AMOT: variants seen among roughly 807,000 people sequenced by gnomAD.
The protein encoded by AMOT is angiomotin.
AMOT carries 11 observed loss-of-function variants against 67.0 expected under a neutral mutation model. The observed-to-expected ratio is 0.16, with a 90% CI of 0.10 to 0.27. AMOT has a LOEUF of 0.27. Among genes scored for constraint, AMOT ranks in the 10% least tolerant of loss-of-function variants. The pLI, the probability that AMOT is intolerant of heterozygous loss-of-function variation, is 1.00. For synonymous variants in AMOT, 326 were observed against 321.4 expected, an observed-to-expected ratio of 1.01 and a Z score of -0.15; for missense variants, 753 against 852.0, an observed-to-expected ratio of 0.88 and a Z score of 1.45.
At chrX:112,801,023 A>G (rs1042991237) in intron 8 of AMOT, among the ~76,000 whole-genome samples, 3 of 111,634 alleles carry the variant, frequency 2.7e-5, no homozygotes, top group African/African-American at 9.8e-5. Flanking sequence ...CACTCAGTTC[A>G]GTAAGCAGCC....
chrX:112,779,790 ATAAG>A, intron 12 of AMOT, 110 bp from the exon 13 acceptor site: 1 of 310,810 alleles, frequency 3.2e-6, no homozygotes, highest in Non-Finnish European at 5.3e-6. Context: ...TTATTTTTAA[ATAAG>A]TAAATATTAT....
At chrX:112,823,554 A>C (rs985433013) in intron 3 of AMOT, among the ~76,000 whole-genome samples, 1 of 111,454 alleles carries the variant, frequency 9.0e-6, no homozygotes, top group Non-Finnish European at 1.9e-5. Flanking sequence ...CAAAAACCCA[A>C]ATCTTATGGC....
chrX:112,835,735 C>CAG (rs1935116145), intron 1 of AMOT, among the ~76,000 whole-genome samples: 1 of 111,112 alleles, frequency 9.0e-6, no homozygotes, highest in East Asian at 2.8e-4. Flanking sequence ...AGGCATGCGC[C>CAG]ACCATACCCA....
chrX:112,791,156 G>A (rs1933563218), intron 9 of AMOT, among the ~76,000 whole-genome samples: 1 of 109,532 alleles, frequency 9.1e-6, no homozygotes, highest in Admixed American at 9.8e-5. Context: ...GAGGCAGGTG[G>A]ATCACCTGAG....
chrX:112,805,222 C>A, intron 7 of AMOT, 130 bp from the exon 8 acceptor site: 2 of 766,366 alleles, frequency 2.6e-6, no homozygotes, highest in Non-Finnish European at 1.8e-6. Flanking sequence ...AACCAGTATA[C>A]CCAAGATCTG....
chrX:112,827,991 C>A (rs973335749), intron 2 of AMOT, among the ~76,000 whole-genome samples: 1 of 111,201 alleles, frequency 9.0e-6, no homozygotes, highest in Non-Finnish European at 1.9e-5. Flanking sequence ...GGAAGGGGGC[C>A]AGTTCAAAGT....
chrX:112,809,176 G>A (rs1168245737), intron 7 of AMOT, among the ~76,000 whole-genome samples: 2 of 111,592 alleles, frequency 1.8e-5, no homozygotes, highest in Non-Finnish European at 3.8e-5. Context: ...GTTTCCCCCC[G>A]ACTAATTCTC....
rs749776514 is a variant in AMOT at position 112,835,993 on chromosome X, T to C, written c.-288-3623A>G. On this transcript the variant is annotated intron_variant, in intron 1 of 13. Coordinates refer to ENST00000371959, the MANE Select transcript of AMOT (RefSeq NM_001113490.2). ...GTGAAGACCTCAGATGAAGAACCCATTATGTGTGGGCCATTCTGCTGCTGC... is the reference window on the plus strand; with the variant it reads ...GTGAAGACCTCAGATGAAGAACCCACTATGTGTGGGCCATTCTGCTGCTGC... 2.5e-4 allele frequency among the ~76,000 whole-genome samples: 28 copies of C among 112,284 alleles called. No homozygotes were observed. The South Asian group carries it at 0.01, about 42-fold the overall frequency.
intron 8 of AMOT, among the ~76,000 whole-genome samples, chrX:112,804,734 A>G (rs762123578): frequency 2.7e-5 from 3 of 111,455 alleles, no homozygotes; most frequent in African/African-American, 9.8e-5. Flanking sequence ...GACCCTGGTG[A>G]TTTCCTATTT....
chrX:112,795,036 T>C (rs971239102), intron 8 of AMOT, among the ~76,000 whole-genome samples: 3 of 111,882 alleles, frequency 2.7e-5, no homozygotes, highest in African/African-American at 9.8e-5. Flanking sequence ...AAGTTGTTCA[T>C]TGGAAATACA....
At chrX:112,798,951 C>T (rs1933925936) in intron 8 of AMOT, among the ~76,000 whole-genome samples, 1 of 111,875 alleles carries the variant, frequency 8.9e-6, no homozygotes, top group South Asian at 3.7e-4. Flanking sequence ...ATGAATACCA[C>T]GTGATGGCAT....
chrX:112,790,663 C>T lies in AMOT; in HGVS notation c.2046G>A (p.Glu682=). The change falls in exon 10 of 14, where the codon GAG becomes GAA. Residue 682 remains glutamate, a synonymous_variant. Coordinates refer to ENST00000371959, the MANE Select transcript of AMOT (RefSeq NM_001113490.2). Reference sequence around the variant, plus strand: ...TCACATTCTCCTCCAAATATTTCTGCTCCCACTTTGTCATATCAGCTTCCA... The same window carrying T: ...TCACATTCTCCTCCAAATATTTCTGTTCCCACTTTGTCATATCAGCTTCCA... ...LALEADMTKW[E]QKYLEENVMR... 1.7e-6 allele frequency: 2 copies of T among 1,211,108 alleles called. No individual in the cohort carries two copies. Among genetic ancestry groups the T allele is most frequent in the Non-Finnish European group, 2.2e-6 (2 of 895,226 alleles).
intron 10 of AMOT, among the ~76,000 whole-genome samples, chrX:112,784,822 C>T (rs181908981): frequency 1.6e-4 from 18 of 112,132 alleles, no homozygotes; most frequent in Admixed American, 4.7e-4. Flanking sequence ...ATGGTGTCTA[C>T]GGACACTGGG....
In AMOT at chrX:112,823,070, T is replaced by C; in HGVS notation, c.57A>G (p.Leu19=). 1.7e-6 allele frequency: 2 copies of C among 1,167,378 alleles called. No homozygotes were observed. Among genetic ancestry groups the C allele is most frequent in the Non-Finnish European group, 2.3e-6 (2 of 872,831 alleles). The stretch of plus-strand genomic sequence containing the variant: ...GATTGCCATAGCGAAGCTGCTCTTG[T>C]AGCAAACGCTGCAATACCGTGGTCC... ...SGGTTVLQRL[L]QEQLRYGNPS... The change falls in exon 4 of 14, where the codon CTA becomes CTG. Residue 19 remains leucine (L), a synonymous_variant. Coordinates refer to ENST00000371959, the MANE Select transcript of AMOT (RefSeq NM_001113490.2).
In AMOT at chrX:112,805,015, G is replaced by T; in HGVS notation, c.1708C>A (p.Arg570=). The part of the protein sequence containing the change: ...TARSTNEDQR[R]HIEIRDQALS... ...GCCTGATCTCGGATTTCGATGTGTC[G>T]TCTTTGGTCCTCATTGGTAGAACGG... Residue 570 remains arginine, a synonymous_variant, in exon 8 of 14, where the codon CGA becomes AGA. Transcript: ENST00000371959. 8.3e-7 allele frequency: 1 copy of T among 1,210,967 alleles called. No individual in the cohort carries two copies. The highest frequency in any genetic ancestry group is 1.1e-6 in the Non-Finnish European group (1 of 895,306).
rs1298662365 is a variant in AMOT at position 112,779,364 on chromosome X, GGCTGGAGACGGGGCAGCAGCAGCA to G, written c.2766_2789del (p.Ala923_Ala930del). 2.7e-5 allele frequency: 26 copies of G among 951,980 alleles called. No individual in the cohort carries two copies. Among genetic ancestry groups the G allele is most frequent in the Non-Finnish European group, 3.8e-5 (26 of 677,048 alleles). The allele number at this position is 951,980 out of a possible 1,213,427, so 78.5% of individuals were successfully genotyped here. On this transcript the variant is annotated inframe_deletion, in exon 13 of 14. Transcript: ENST00000371959. ...CAGCAGCAGCAGTAGCAGCGGCAGT[GGCTGGAGACGGGGCAGCAGCAGCA>G]GCTGGAGCAGCAGCAGCAGCAACAG... is the stretch of plus-strand genomic sequence containing the variant.
At chrX:112,794,691 G>GCTTCAC (rs2147790648) in intron 8 of AMOT, among the ~76,000 whole-genome samples, 1 of 112,318 alleles carries the variant, frequency 8.9e-6, no homozygotes, top group East Asian at 2.8e-4. Flanking sequence ...AACATTATGT[G>GCTTCAC]CTTCACTTTT....
At position 112,777,905 on chromosome X, in the gene AMOT, C is replaced by T. The variant is rs1569387392; in HGVS notation, c.*662G>A. On this transcript the variant is annotated 3_prime_UTR_variant, in exon 14 of 14. Transcript: ENST00000371959. ...CAGAGCATATATATGAATGTATGAA[C>T]CTCCAGGAGGGAACCAAAAGAATCC... The T allele has an allele frequency of 8.9e-6, 1 of 112,165 alleles. No individual in the cohort carries two copies. Among genetic ancestry groups the T allele is most frequent in the Non-Finnish European group, 1.9e-5 (1 of 53,254 alleles). 9.2% of individuals were successfully genotyped at this position (112,165 alleles called of 1,213,427 possible).
chrX:112,830,539 A>C (rs973569812), intron 2 of AMOT, among the ~76,000 whole-genome samples: 6 of 112,693 alleles, frequency 5.3e-5, no homozygotes, highest in Non-Finnish European at 9.4e-5. Flanking sequence ...CCACTAAAAA[A>C]TAAAATTAGC....
Sources: gnomAD v4.1 joint callset for allele counts (sites outside exome capture counted in the v4.1 genomes callset) on GRCh38, gnomAD v4.1.1 for gene constraint, MANE v1.5 for transcripts, NCBI Gene and HGNC (gene_info 2026-07-23, HGNC 2026-07-21) for gene names.